SMIM45: variants seen among roughly 807,000 people sequenced by gnomAD.
SMIM45 encodes long intergenic non-protein coding RNA 634.
the SMIM45 span, among the ~76,000 whole-genome samples, chr22:41,950,816 A>G: frequency 6.6e-6 from 1 of 152,118 alleles, no homozygotes; most frequent in Non-Finnish European, 1.5e-5. Context: ...CAATATCGTA[A>G]ACCCGCCTCT....
the SMIM45 span, among the ~76,000 whole-genome samples, chr22:41,948,718 G>A: frequency 6.6e-6 from 1 of 152,114 alleles, no homozygotes; most frequent in South Asian, 2.1e-4. Context: ...GGGAGTTTGA[G>A]GCCAGCCTAG....
the SMIM45 span, among the ~76,000 whole-genome samples, chr22:41,955,836 C>T: frequency 1.3e-5 from 2 of 151,650 alleles, no homozygotes; most frequent in Non-Finnish European, 2.9e-5. Flanking sequence ...TTCAAAGTAC[C>T]CTTAGGACGT....
At chr22:41,949,771 C>T in the SMIM45 span, among the ~76,000 whole-genome samples, 1 of 152,222 alleles carries the variant, frequency 6.6e-6, no homozygotes, top group Non-Finnish European at 1.5e-5. Flanking sequence ...CCAGGAGCAG[C>T]AGGAACCCAG....
the SMIM45 span, among the ~76,000 whole-genome samples, chr22:41,949,107 C>T: frequency 2.6e-5 from 4 of 151,384 alleles, no homozygotes; most frequent in Admixed American, 2.0e-4. Flanking sequence ...GGTATGGTGG[C>T]GGTGGCGGGC....
the SMIM45 span, among the ~76,000 whole-genome samples, chr22:41,949,896 G>C: frequency 6.6e-6 from 1 of 152,050 alleles, no homozygotes; most frequent in South Asian, 2.1e-4. Flanking sequence ...GGGTAGGGAT[G>C]GGGAGGAGGC....
chr22:41,955,052 C>T, the SMIM45 span, among the ~76,000 whole-genome samples: 2 of 152,054 alleles, frequency 1.3e-5, no homozygotes, highest in Non-Finnish European at 2.9e-5. Context: ...AGGTTTGTGA[C>T]GCACCTTACA....
At chr22:41,949,991 C>T in the SMIM45 span, among the ~76,000 whole-genome samples, 9 of 152,016 alleles carry the variant, frequency 5.9e-5, no homozygotes, top group South Asian at 2.1e-4. Context: ...TTTTTCAAAT[C>T]GGCTTCTGTG....
the SMIM45 span, among the ~76,000 whole-genome samples, chr22:41,952,900 C>T: frequency 6.6e-6 from 1 of 152,088 alleles, no homozygotes; most frequent in African/African-American, 2.4e-5. Context: ...CATGAGTCAC[C>T]TTGGACACAG....
the SMIM45 span, chr22:41,958,794 G>T: frequency 5.5e-6 from 1 of 181,606 alleles, no homozygotes; most frequent in Non-Finnish European, 1.2e-5. Context: ...CAGACTCCAA[G>T]CCCACCCTAG....
chr22:41,953,551 T>C, the SMIM45 span, among the ~76,000 whole-genome samples: 2 of 152,122 alleles, frequency 1.3e-5, no homozygotes, highest in African/African-American at 4.8e-5. Flanking sequence ...AAAATGTGGA[T>C]AGTGACACTT....
the SMIM45 span, among the ~76,000 whole-genome samples, chr22:41,953,567 A>G: frequency 1.3e-5 from 2 of 152,076 alleles, no homozygotes; most frequent in Non-Finnish European, 2.9e-5. Context: ...CACTTGCCCC[A>G]TAGGCCTGTT....
At chr22:41,953,084 A>G in the SMIM45 span, among the ~76,000 whole-genome samples, 1 of 149,836 alleles carries the variant, frequency 6.7e-6, no homozygotes, top group Admixed American at 6.6e-5. Flanking sequence ...ACTTTGGATA[A>G]TCAGTGCACT....
At chr22:41,951,149 C>T in the SMIM45 span, among the ~76,000 whole-genome samples, 5 of 152,270 alleles carry the variant, frequency 3.3e-5, no homozygotes, top group African/African-American at 1.2e-4. Context: ...TTCCCCCTGC[C>T]CATCCCCAGG....
At chr22:41,954,909 G>A in the SMIM45 span, among the ~76,000 whole-genome samples, 2 of 152,136 alleles carry the variant, frequency 1.3e-5, no homozygotes, top group Non-Finnish European at 2.9e-5. Context: ...CACAAGGGAG[G>A]CTGAGGCAGG....
At chr22:41,948,583 G>T in the SMIM45 span, among the ~76,000 whole-genome samples, 2 of 152,012 alleles carry the variant, frequency 1.3e-5, no homozygotes, top group African/African-American at 4.8e-5. Context: ...GGGGTGTGGA[G>T]AGGACTTCCT....
At chr22:41,958,877 C>A in the SMIM45 span, 5 of 160,688 alleles carry the variant, frequency 3.1e-5, no homozygotes, top group African/African-American at 1.2e-4. Context: ...ACCCCGCCCC[C>A]CTTCGCTGGG....
At chr22:41,958,658 C>T in the SMIM45 span, 2 of 271,136 alleles carry the variant, frequency 7.4e-6, no homozygotes, top group East Asian at 9.1e-5. Flanking sequence ...CCCCCTCCCT[C>T]TGCTGGAGTT....
the SMIM45 span, among the ~76,000 whole-genome samples, chr22:41,954,038 G>C: frequency 6.6e-6 from 1 of 151,042 alleles, no homozygotes; most frequent in Non-Finnish European, 1.5e-5. Context: ...AGGTGATAGA[G>C]CTTTTGTGTC....
the SMIM45 span, among the ~76,000 whole-genome samples, chr22:41,954,505 C>T: frequency 6.6e-6 from 1 of 152,152 alleles, no homozygotes; most frequent in Non-Finnish European, 1.5e-5. Flanking sequence ...CACAGCCAGA[C>T]AGTGATCTGG....
Sources: gnomAD v4.1 joint callset for allele counts (sites outside exome capture counted in the v4.1 genomes callset) on GRCh38, gnomAD v4.1.1 for gene constraint, MANE v1.5 for transcripts, NCBI Gene and HGNC (gene_info 2026-07-23, HGNC 2026-07-21) for gene names.